Variants in TBCD observed in about 807,000 individuals in gnomAD.
TBCD encodes the protein tubulin-specific chaperone D.
A neutral mutation model predicts 169.3 loss-of-function variants in TBCD; 105 were observed. The observed-to-expected ratio is 0.62, with a 90% CI of 0.53 to 0.73. The LOEUF (loss-of-function observed/expected upper bound fraction) is 0.73, where lower values mean the gene tolerates loss of function less well. Among genes scored for constraint, TBCD ranks in the 30% least tolerant of loss-of-function variants. TBCD has a pLI of 0.00. For missense variants in TBCD, 1,444 were observed against 1,600.1 expected, an observed-to-expected ratio of 0.90 and a Z score of 1.66; for synonymous variants, 700 against 643.9, an observed-to-expected ratio of 1.09 and a Z score of -1.32.
Position 82,917,912 on chromosome 17 carries a change from C to T in TBCD, c.2039-2644C>T, listed in dbSNP as rs141128562. On this transcript the variant is annotated intron_variant, in intron 23 of 38. Transcript: ENST00000355528. ...CGCCGCTCTGTCCCTCTCAGGTCTT[C>T]GTGAGCTCTCTGGTAACTGCAGGCA... Among the ~76,000 whole-genome samples the T allele has an allele frequency of 1.1e-3, 172 of 152,298 alleles. 1 individual carries two copies. Among genetic ancestry groups the T allele is most frequent in the African/African-American group, 3.7e-3 (153 of 41,538 alleles).
At chr17:82,916,833 T>C (rs76016042) in intron 23 of TBCD, among the ~76,000 whole-genome samples, 15,219 of 152,100 alleles carry the variant, frequency 0.1, 1,049 homozygotes, top group South Asian at 0.29. Context: ...TTTCTGTCGA[T>C]GTTTTGTTCA....
chr17:82,940,229 A>ACT (rs1555673010), intron 37 of TBCD, among the ~76,000 whole-genome samples: 5 of 145,560 alleles, frequency 3.4e-5, no homozygotes, highest in Middle Eastern at 3.4e-3. Context: ...GCGCACACAC[A>ACT]CACACACACA....
At chr17:82,909,213 T>G in intron 21 of TBCD, 72 bp from the exon 22 acceptor site, 1 of 1,228,010 alleles carries the variant, frequency 8.1e-7, no homozygotes, top group Non-Finnish European at 1.1e-6. Flanking sequence ...TTCTTGTTTT[T>G]GACAGTTGTT....
intron 9 of TBCD, among the ~76,000 whole-genome samples, chr17:82,803,761 G>T (rs977700040): frequency 3.3e-5 from 5 of 152,128 alleles, no homozygotes; most frequent in Non-Finnish European, 5.9e-5. Flanking sequence ...TGTAGAAGCA[G>T]CCTGAGGTCA....
chr17:82,811,632 A>G (rs2051450804), intron 12 of TBCD, among the ~76,000 whole-genome samples: 1 of 152,052 alleles, frequency 6.6e-6, no homozygotes, highest in Non-Finnish European at 1.5e-5. Flanking sequence ...GTGATTGTCA[A>G]CCGTGGCATA....
intron 36 of TBCD, among the ~76,000 whole-genome samples, chr17:82,938,587 C>T (rs1031284009): frequency 2.0e-5 from 3 of 152,226 alleles, no homozygotes; most frequent in Non-Finnish European, 2.9e-5. Context: ...TGGTGGTTCT[C>T]GAAGTGGGGT....
Position 82,820,423 on chromosome 17 carries a change from T to C in TBCD, c.1318+5489T>C, listed in dbSNP as rs1007431011. On this transcript the variant is annotated intron_variant, in intron 13 of 38. Coordinates refer to ENST00000355528, the MANE Select transcript of TBCD (RefSeq NM_005993.5). ...AACCCTATTTCCCTTGCTATCCTTA[T>C]TGATTGAGAATTGTGCATATTGATT... 4.6e-5 allele frequency among the ~76,000 whole-genome samples: 7 copies of C among 152,262 alleles called. No homozygotes were observed. In the East Asian group the frequency reaches 5.8e-4, roughly 13 times the overall value.
At chr17:82,768,741 G>C (rs1478358988) in intron 5 of TBCD, among the ~76,000 whole-genome samples, 175 bp downstream of exon 5, 1 of 152,116 alleles carries the variant, frequency 6.6e-6, no homozygotes, top group East Asian at 1.9e-4. Context: ...TCATGTAGGG[G>C]TCAGGTTGAG....
chr17:82,804,600 T>G (rs1315457512), intron 9 of TBCD, among the ~76,000 whole-genome samples: 1 of 152,214 alleles, frequency 6.6e-6, no homozygotes, highest in Non-Finnish European at 1.5e-5. Context: ...CCTTGTGGGC[T>G]GTTGGTGGGG....
intron 2 of TBCD, among the ~76,000 whole-genome samples, chr17:82,760,916 A>G (rs1054318819): frequency 3.3e-5 from 5 of 151,008 alleles, no homozygotes; most frequent in South Asian, 2.1e-4. Flanking sequence ...CATCATGTCT[A>G]TGAGGTTCAC....
chr17:82,799,455 A>AAG (rs1360934507), intron 8 of TBCD, among the ~76,000 whole-genome samples: 3 of 151,564 alleles, frequency 2.0e-5, no homozygotes, highest in Admixed American at 6.6e-5. Context: ...AAAAAAAAAA[A>AAG]AAAAAAAAGA....
Position 82,941,708 on chromosome 17 carries a change from T to A in TBCD, c.3564+225T>A, listed in dbSNP as rs1245107291. 7.4e-6 allele frequency: 4 copies of A among 539,898 alleles called. No homozygotes were observed. The East Asian group carries it at 9.8e-5, about 13-fold the overall frequency. The allele number at this position is 539,898 out of a possible 1,614,324, so 33.4% of individuals were successfully genotyped here. On this transcript the variant is annotated intron_variant, in intron 38 of 38. Transcript: ENST00000355528. ...TCCAGGCCACTTGCTCTGGGGCGTT[T>A]GGGGGGCCGGGGAGTGGGTGGAGCT...
chr17:82,822,660 GT>G (rs2052511268), intron 13 of TBCD, among the ~76,000 whole-genome samples: 1 of 152,206 alleles, frequency 6.6e-6, no homozygotes, highest in East Asian at 1.9e-4. Context: ...GCGAGGGAGA[GT>G]GAGGCCATTC....
chr17:82,869,079 C>G (rs1398983981), intron 13 of TBCD, among the ~76,000 whole-genome samples: 2 of 152,282 alleles, frequency 1.3e-5, no homozygotes, highest in South Asian at 2.1e-4. Flanking sequence ...GAGTGCTTAT[C>G]TGGGGAGGCT....
At chr17:82,881,635 C>T (rs561624279) in intron 14 of TBCD, among the ~76,000 whole-genome samples, 4 of 152,292 alleles carry the variant, frequency 2.6e-5, no homozygotes, top group East Asian at 1.9e-4. Flanking sequence ...GGTTGGTGGC[C>T]GTGTTTTGGG....
At chr17:82,886,436 G>C (rs1368691286) in intron 15 of TBCD, among the ~76,000 whole-genome samples, 1 of 151,918 alleles carries the variant, frequency 6.6e-6, no homozygotes, top group Non-Finnish European at 1.5e-5. Flanking sequence ...TAGAGATGGG[G>C]TGTGGTCGTG....
chr17:82,906,691 T>C (rs77580028), intron 20 of TBCD, among the ~76,000 whole-genome samples: 6,005 of 152,316 alleles, frequency 0.039, 178 homozygotes, highest in Middle Eastern at 0.068. Flanking sequence ...AGAAACGTTT[T>C]TAAGTTCATG....
chr17:82,887,168 T>TGTGTGTGTGTGTGCGTGCGC, intron 15 of TBCD, among the ~76,000 whole-genome samples: 3 of 126,102 alleles, frequency 2.4e-5, no homozygotes, highest in Non-Finnish European at 5.0e-5. Context: ...TGTGTGTGTG[T>TGTGTGTGTGTGTGCGTGCGC]GCGCGCGCGC....
At chr17:82,939,297 G>T (rs954160405) in intron 36 of TBCD, 70 bp from the exon 37 acceptor site, 42 of 1,275,602 alleles carry the variant, frequency 3.3e-5, no homozygotes, top group Non-Finnish European at 4.1e-5. Context: ...CCCTGGCCTG[G>T]GTCCTGTCGT....
Sources: allele counts gnomAD v4.1 joint callset (sites outside exome capture counted in the v4.1 genomes callset), GRCh38; gene constraint gnomAD v4.1.1; transcripts MANE v1.5; gene names NCBI Gene and HGNC (gene_info 2026-07-23, HGNC 2026-07-21).